GNAS: variants seen among roughly 807,000 people sequenced by gnomAD.
GNAS encodes the protein protein ALEX.
In GNAS, 8 loss-of-function variants were observed where a neutral mutation model predicts 54.5. That is an observed-to-expected ratio of 0.15 (90% CI 0.09 to 0.26). GNAS has a LOEUF of 0.26. GNAS is among the 10% of genes least tolerant of loss of function. The probability of loss-of-function intolerance (pLI) is 1.00; values close to 1 mark genes in which losing one functional copy is unlikely to be tolerated. For missense variants in GNAS, 170 were observed against 529.8 expected (o/e 0.32, Z 6.67); for synonymous variants, 204 against 191.4 (o/e 1.07, Z -0.54).
intron 1 of GNAS, among the ~76,000 whole-genome samples, chr20:58,864,840 T>C (rs1366245259): frequency 6.6e-6 from 1 of 152,056 alleles, no homozygotes; most frequent in Non-Finnish European, 1.5e-5. Flanking sequence ...AGAGGGGTCC[T>C]CCAAGTGGCT....
chr20:58,854,520 G>T lies in GNAS; in HGVS notation c.43+13634G>T, dbSNP rs981765080. 22 of 1,584,148 alleles carry T rather than the reference G, an allele frequency of 1.4e-5. No homozygotes were observed. The African/African-American group carries it at 2.3e-4, about 17-fold the overall frequency. ...TCCCGACTCCGGGACAGCACCAGCC[G>T]ATCCTGACTCCGGGGCATTCGCAGC... On this transcript the variant is annotated intron_variant, in intron 1 of 12. Transcript: ENST00000306090.
upstream of GNAS, chr20:58,888,948 GCCCGCGCCCCCCGCCATCGCGGCC>G (rs2088811491): frequency 8.2e-6 from 3 of 366,938 alleles, no homozygotes; most frequent in Non-Finnish European, 1.1e-5. Flanking sequence ...CCTTGGGCGC[GCCCGCGCCCCCCGCCATCGCGGCC>G]CCCGCGCCCC....
Position 58,855,138 on chromosome 20 carries a change from A to G in GNAS, c.43+14252A>G, listed in dbSNP as rs2086410482. ...CGGGGGCTGCTTCGGTCGATCTGAG[A>G]GTCCCCAGCCCAAAGCCTCGCGCTC... is the stretch of plus-strand genomic sequence containing the variant. On this transcript the variant is annotated intron_variant, in intron 1 of 12. Coordinates refer to the GNAS transcript ENST00000306090. 1.2e-6 allele frequency: 2 copies of G among 1,613,588 alleles called. No homozygotes were observed. Among genetic ancestry groups the G allele is most frequent in the African/African-American group, 2.7e-5 (2 of 75,070 alleles).
At chr20:58,887,127 A>T (rs118134442), upstream of GNAS, among the ~76,000 whole-genome samples, 252 of 152,336 alleles carry the variant, frequency 1.7e-3, no homozygotes, top group Non-Finnish European at 2.7e-3. Flanking sequence ...GAGCTCAGAG[A>T]TTTCCAAATA....
intron 1 of GNAS, chr20:58,854,793 GT>G (rs2086379529): frequency 6.3e-7 from 1 of 1,577,416 alleles, no homozygotes; most frequent in South Asian, 1.1e-5. Flanking sequence ...GGCAGCCCAA[GT>G]CCGCCGGGCG....
At chr20:58,854,342 A>T in intron 1 of GNAS, 1 of 1,587,904 alleles carries the variant, frequency 6.3e-7, no homozygotes, top group Non-Finnish European at 8.6e-7. Context: ...AGGAAGCAGC[A>T]GAGATGGAAG....
rs1268512739 is a variant in GNAS, at chr20:58,911,045, G to A, written c.*216G>A. 4.4e-6 allele frequency: 3 copies of A among 678,172 alleles called. No homozygotes were observed. Among genetic ancestry groups the A allele is most frequent in the Non-Finnish European group, 8.1e-6 (3 of 372,124 alleles). The allele number at this position is 678,172 out of a possible 1,614,324, so 42.0% of individuals were successfully genotyped here. ...GCGGCCTACAGAAAAAGGAAAAAAG[G>A]CCACAAAAGTTCCCTCTCACTTTCA... On this transcript the variant is annotated 3_prime_UTR_variant, in exon 13 of 13. Transcript: ENST00000371085.
Position 58,909,209 on chromosome 20 carries a change from G to A in GNAS, c.578G>A (p.Ser193Asn). 3.7e-6 allele frequency: 6 copies of A among 1,614,010 alleles called. No individual in the cohort carries two copies. The highest frequency in any genetic ancestry group is 5.1e-6 in the Non-Finnish European group (6 of 1,179,888). Residue 193 changes from serine (S) to asparagine (N), a missense_variant, in exon 7 of 13, where the codon AGC becomes AAC. Transcript: ENST00000371085. The surrounding 1 kb of genome is among the most constrained non-coding windows in gnomAD (Gnocchi z 7.3). ...DVIKQADYVP[S>N]DQDLLRCRVL... ...ATCAAGCAGGCTGACTATGTGCCGAGCGATCAGGTGTGCAAAACCCCTCCC... is the reference window on the plus strand; with the variant it reads ...ATCAAGCAGGCTGACTATGTGCCGAACGATCAGGTGTGCAAAACCCCTCCC...
At chr20:58,877,503 C>T (rs1194122605) in intron 1 of GNAS, among the ~76,000 whole-genome samples, 1 of 152,144 alleles carries the variant, frequency 6.6e-6, no homozygotes, top group East Asian at 1.9e-4. Context: ...TTCAAGTGGT[C>T]ACATACCTTA....
At chr20:58,891,240 A>AGCC (rs530801993), upstream of GNAS, 451 of 141,740 alleles carry the variant, frequency 3.2e-3, 1 homozygote, top group Admixed American at 5.6e-3. Flanking sequence ...CCGCCCTCCC[A>AGCC]GCCGCCGCCG....
At chr20:58,844,792 C>T (rs2085880352) in intron 1 of GNAS, among the ~76,000 whole-genome samples, 1 of 150,766 alleles carries the variant, frequency 6.6e-6, no homozygotes, top group Non-Finnish European at 1.5e-5. Flanking sequence ...TGTGAGACTC[C>T]ATCTCAAAAA....
chr20:58,842,276 G>T (rs1424550575), intron 1 of GNAS: 4 of 397,864 alleles, frequency 1.0e-5, no homozygotes, highest in South Asian at 1.4e-4. Context: ...CTTGGAAATT[G>T]ATTTTTTTTT....
chr20:58,849,444 C>G (rs150763301), intron 1 of GNAS, among the ~76,000 whole-genome samples: 28 of 152,310 alleles, frequency 1.8e-4, no homozygotes, highest in East Asian at 1.3e-3. Flanking sequence ...TCTCTGACTC[C>G]ATAAATTCAT....
chr20:58,872,155 A>T (rs1349831815), intron 1 of GNAS, among the ~76,000 whole-genome samples: 2 of 152,068 alleles, frequency 1.3e-5, no homozygotes, highest in Admixed American at 6.5e-5. Flanking sequence ...CTGCCCTCTC[A>T]CCTCTTATTG....
chr20:58,876,541 C>A (rs935238554), intron 1 of GNAS: 1 of 152,022 alleles, frequency 6.6e-6, no homozygotes, highest in Non-Finnish European at 1.5e-5. Flanking sequence ...AAGAAGTACC[C>A]CCCCACCCAA....
rs936245199 is a variant in GNAS at position 58,891,711 on chromosome 20, C to T, written c.-16C>T. Reference sequence around the variant, plus strand: ...CCGCCGCAGCCCGGCCGCGCCCCGCCGCCGCCGCCGCCGCCATGGGCTGCC... The same window carrying T: ...CCGCCGCAGCCCGGCCGCGCCCCGCTGCCGCCGCCGCCGCCATGGGCTGCC... On this transcript the variant is annotated 5_prime_UTR_variant, in exon 1 of 13. Transcript: ENST00000371085. The T allele has an allele frequency of 1.3e-5, 14 of 1,082,020 alleles. No homozygotes were observed. The highest frequency in any genetic ancestry group is 1.5e-5 in the Non-Finnish European group (13 of 868,414). The allele number at this position is 1,082,020 out of a possible 1,614,324, so 67.0% of individuals were successfully genotyped here.
At chr20:58,855,254 G>GAA in intron 1 of GNAS, 3 of 1,589,872 alleles carry the variant, frequency 1.9e-6, no homozygotes, top group Non-Finnish European at 2.6e-6. Flanking sequence ...GCGCAGAGAA[G>GAA]AAACGCAGTA....
upstream of GNAS, among the ~76,000 whole-genome samples, chr20:58,890,278 A>C (rs182684586): frequency 5.0e-3 from 748 of 150,906 alleles, 5 homozygotes; most frequent in East Asian, 0.017. Flanking sequence ...GCCGCCGCCG[A>C]CGACGACGAG....
chr20:58,902,123 C>G (rs1601100641), intron 3 of GNAS, among the ~76,000 whole-genome samples: 1 of 23,706 alleles, frequency 4.2e-5, no homozygotes, highest in Admixed American at 5.1e-4. Context: ...CTCGGTGACT[C>G]CCCCCCTCTT....
Sources: gnomAD v4.1 joint callset for allele counts (sites outside exome capture counted in the v4.1 genomes callset) on GRCh38, gnomAD v4.1.1 for gene constraint, Gnocchi (gnomAD v3.1) non-coding constraint, MANE v1.5 for transcripts, NCBI Gene and HGNC (gene_info 2026-07-23, HGNC 2026-07-21) for gene names.